Variants in RCCD1 observed in about 807,000 individuals in gnomAD.
The protein encoded by RCCD1 is RCC1 domain-containing protein 1.
A neutral mutation model predicts 37.6 loss-of-function variants in RCCD1; 40 were observed. The ratio of observed to expected loss-of-function variants is 1.06; its 90% CI spans 0.83 to 1.39. RCCD1 has a LOEUF of 1.39. Ranked by LOEUF, RCCD1 falls within the 40% of genes most tolerant of loss-of-function variation. The probability of loss-of-function intolerance (pLI) is 0.00; values close to 1 mark genes in which losing one functional copy is unlikely to be tolerated. For missense variants in RCCD1, 577 were observed against 517.3 expected (o/e 1.12, Z -1.12); for synonymous variants, 263 against 230.0 (o/e 1.14, Z -1.30).
intron 4 of RCCD1, among the ~76,000 whole-genome samples, chr15:90,957,928 T>G (rs894886040): frequency 2.6e-5 from 4 of 152,234 alleles, no homozygotes; most frequent in Admixed American, 1.3e-4. Context: ...CTCTGGCATT[T>G]GTTCCTAGCT....
At position 90,957,313 on chromosome 15, in the gene RCCD1, G is replaced by C. The variant is rs1302477396; in HGVS notation, c.367G>C (p.Asp123His). 2.3e-5 allele frequency: 36 copies of C among 1,539,764 alleles called. No homozygotes were observed. Among genetic ancestry groups the C allele is most frequent in the Non-Finnish European group, 3.2e-5 (36 of 1,141,138 alleles). ...TGTGGTGCCCGAGGCCGAAGGGGAA[G>C]ACGATCCGGCCGGTGAGGCCCAGGC... ...QNVVPEAEGE[D>H]DPAGEAQAGR... Residue 123 changes from aspartate (D) to histidine (H), a missense_variant, in exon 3 of 8, where the codon GAC becomes CAC. By Grantham distance (81) the Asp-to-His change is moderately conservative. Coordinates refer to ENST00000394258, the MANE Select transcript of RCCD1 (RefSeq NM_001017919.2).
At position 90,957,315 on chromosome 15, in the gene RCCD1, C is replaced by CG; in HGVS notation, c.370dup (p.Asp124GlyfsTer5). The CG allele has an allele frequency of 1.3e-6, 2 of 1,539,552 alleles. No homozygotes were observed. Among genetic ancestry groups the CG allele is most frequent in the Non-Finnish European group, 1.8e-6 (2 of 1,141,122 alleles). ...TGGTGCCCGAGGCCGAAGGGGAAGA[C>CG]GATCCGGCCGGTGAGGCCCAGGCTG... On this transcript the variant is annotated frameshift_variant, in exon 3 of 8. Coordinates refer to ENST00000394258, the MANE Select transcript of RCCD1 (RefSeq NM_001017919.2). LOFTEE classifies it high-confidence loss of function.
In RCCD1 at chr15:90,958,461, T is replaced by TA. The variant is rs915371522; in HGVS notation, c.679+745dup. ...GACCAACATGGTGAAACCCCGTCTCTAAAAAAAAATACAAAAATTAGCTGG... is the reference window on the plus strand; with the variant it reads ...GACCAACATGGTGAAACCCCGTCTCTAAAAAAAAAATACAAAAATTAGCTGG... On this transcript the variant is annotated intron_variant, in intron 4 of 7. Coordinates refer to ENST00000394258, the MANE Select transcript of RCCD1 (RefSeq NM_001017919.2). Among the ~76,000 whole-genome samples the TA allele has an allele frequency of 5.7e-4, 86 of 149,780 alleles. 1 individual carries two copies. The highest frequency in any genetic ancestry group is 1.1e-3 in the Admixed American group (16 of 15,046).
intron 7 of RCCD1, 104 bp from the exon 8 acceptor site, chr15:90,961,514 G>C (rs1479725698): frequency 4.0e-5 from 52 of 1,309,008 alleles, no homozygotes; most frequent in Non-Finnish European, 5.2e-5. Context: ...AGAGCAGTGG[G>C]GCATAATCCC....
Position 90,960,482 on chromosome 15 carries a change from C to G in RCCD1, c.933C>G (p.His311Gln). ...TCAAGGCCAGCTGTGGATCCCGGCACACAGCTGTGGTGACACGTGAGTGGG... is the reference window on the plus strand; with the variant it reads ...TCAAGGCCAGCTGTGGATCCCGGCAGACAGCTGTGGTGACACGTGAGTGGG... ...DAVKASCGSRHTAVVTRTGEL... is the reference protein window; with the variant it reads ...DAVKASCGSRQTAVVTRTGEL... Residue 311 changes from histidine to glutamine, a missense_variant, in exon 6 of 8, where the codon CAC becomes CAG. His to Gln is a conservative substitution (Grantham distance 24, BLOSUM62 0). Transcript: ENST00000394258. The G allele has an allele frequency of 6.2e-7, 1 of 1,610,104 alleles. No individual in the cohort carries two copies. The highest frequency in any genetic ancestry group is 8.5e-7 in the Non-Finnish European group (1 of 1,179,700).
chr15:90,958,968 C>T (rs1435048052), intron 4 of RCCD1, among the ~76,000 whole-genome samples: 3 of 150,876 alleles, frequency 2.0e-5, no homozygotes. Context: ...AAAAAAAACC[C>T]CAACCTTGGG....
rs376106508 is a variant in RCCD1, at chr15:90,961,796, A to C, written c.*27A>C. 424 of 1,595,324 alleles carry C rather than the reference A, an allele frequency of 2.7e-4. 1 individual carries two copies. The Middle Eastern group carries it at 2.8e-3, about 10-fold the overall frequency. On this transcript the variant is annotated 3_prime_UTR_variant, in exon 8 of 8. Coordinates refer to ENST00000394258, the MANE Select transcript of RCCD1 (RefSeq NM_001017919.2). The stretch of plus-strand genomic sequence containing the variant: ...ATGTGTACGTATATGTATATGCAAC[A>C]CCTGTGAGACCCCCATTCAGGTCAA...
rs1444296662 is a variant in RCCD1, at chr15:90,962,915, G to C, written c.*1146G>C. 1 of 152,112 alleles carries C rather than the reference G, an allele frequency of 6.6e-6. No homozygotes were observed. Among genetic ancestry groups the C allele is most frequent in the Non-Finnish European group, 1.5e-5 (1 of 68,026 alleles). 9.4% of individuals were successfully genotyped at this position (152,112 alleles called of 1,614,324 possible). A position where few individuals can be genotyped will look rare whatever the true frequency, so the allele number is the denominator to read the frequency against. On this transcript the variant is annotated 3_prime_UTR_variant, in exon 8 of 8. Transcript: ENST00000394258. The stretch of plus-strand genomic sequence containing the variant: ...TTAGGTGATGCTTACTCCATGCCAG[G>C]TAAGGCTCAAAGTGCTTTACAAGTA...
intron 1 of RCCD1, among the ~76,000 whole-genome samples, 168 bp from the exon 2 acceptor site, chr15:90,956,442 TTG>T (rs1403345080): frequency 2.0e-4 from 30 of 152,202 alleles, no homozygotes; most frequent in African/African-American, 4.8e-5. Context: ...CGTACCCACT[TTG>T]TGGCACGCTG....
rs2037344060 is a variant in RCCD1, at chr15:90,962,982, T to C, written c.*1213T>C. On this transcript the variant is annotated 3_prime_UTR_variant, in exon 8 of 8. Transcript: ENST00000394258. The stretch of plus-strand genomic sequence containing the variant: ...AAATAAGCTTATCAGTAGTTTTCTT[T>C]ATAGTTAAATTCTATTTGTGCATGT... 2 of 152,226 alleles carry C rather than the reference T, an allele frequency of 1.3e-5. No homozygotes were observed. The highest frequency in any genetic ancestry group is 2.1e-4 in the South Asian group (1 of 4,822). The allele number at this position is 152,226 out of a possible 1,614,324, so 9.4% of individuals were successfully genotyped here. A position where few individuals can be genotyped will look rare whatever the true frequency, so the allele number is the denominator to read the frequency against.
chr15:90,961,164 AG>A, intron 7 of RCCD1, 110 bp downstream of exon 7: 1 of 1,093,542 alleles, frequency 9.1e-7, no homozygotes, highest in African/African-American at 1.5e-5. Flanking sequence ...GGCCTCGGCC[AG>A]GTCACTGGGA....
chr15:90,956,968 TG>T, intron 2 of RCCD1, 68 bp downstream of exon 2: 1 of 1,281,358 alleles, frequency 7.8e-7, no homozygotes, highest in South Asian at 2.8e-5. Flanking sequence ...CGCACCGCTG[TG>T]GCCAGTCCAG....
intron 7 of RCCD1, 105 bp downstream of exon 7, chr15:90,961,159 C>T (rs570797743): frequency 1.1e-5 from 13 of 1,139,700 alleles, no homozygotes; most frequent in Admixed American, 3.9e-5. Flanking sequence ...GCAGGGGCCT[C>T]GGCCAGGTCA....
At chr15:90,961,275 C>T (rs2037309661) in intron 7 of RCCD1, 2 of 599,208 alleles carry the variant, frequency 3.3e-6, no homozygotes, top group African/African-American at 3.7e-5. Flanking sequence ...TACCACCCGC[C>T]TACCTCTCTG....
chr15:90,960,601 C>G, intron 6 of RCCD1, 103 bp downstream of exon 6: 19 of 1,110,728 alleles, frequency 1.7e-5, no homozygotes, highest in Non-Finnish European at 2.4e-5. Context: ...GTGGCTCATA[C>G]AGAGCAGCTA....
chr15:90,961,258 A>G (rs2037309165), intron 7 of RCCD1: 4 of 606,284 alleles, frequency 6.6e-6, no homozygotes, highest in South Asian at 2.0e-5. Flanking sequence ...CATGGAGAGG[A>G]TATCGGTACC....
In RCCD1 at chr15:90,957,386, G is replaced by A; in HGVS notation, c.440G>A (p.Arg147Gln). ...TGCGCCCGTGCCTACGTGAGCCCGC[G>A]GGCGCCCTTCTACCGGCCTCTGGCT... ...LPCARAYVSPRAPFYRPLAPE... is the reference protein window; with the variant it reads ...LPCARAYVSPQAPFYRPLAPE... Residue 147 changes from arginine to glutamine, a missense_variant, in exon 3 of 8, where the codon CGG (arginine) becomes CAG (glutamine). Arg to Gln is a conservative substitution (Grantham distance 43, BLOSUM62 1). Transcript: ENST00000394258. 6 of 1,544,010 alleles carry A rather than the reference G, an allele frequency of 3.9e-6. No individual in the cohort carries two copies. Among genetic ancestry groups the A allele is most frequent in the Non-Finnish European group, 5.2e-6 (6 of 1,146,046 alleles).
At chr15:90,959,854 C>T (rs749077411) in intron 4 of RCCD1, 46 bp from the exon 5 acceptor site, 3 of 1,423,302 alleles carry the variant, frequency 2.1e-6, no homozygotes, top group South Asian at 2.5e-5. Flanking sequence ...TGGATGGATG[C>T]AGGGGCTTCA....
rs1445926176 is a variant in RCCD1, at chr15:90,956,721, G to A, written c.-14G>A. The stretch of plus-strand genomic sequence containing the variant: ...CGCAGCCAGGCGGCGGCCGGCAGAG[G>A]GCGCTGCTCGGGCATGGCGGAGGAG... On this transcript the variant is annotated 5_prime_UTR_variant, in exon 2 of 8. Coordinates refer to ENST00000394258, the MANE Select transcript of RCCD1 (RefSeq NM_001017919.2). 4.7e-6 allele frequency: 6 copies of A among 1,283,546 alleles called. No homozygotes were observed. The highest frequency in any genetic ancestry group is 2.9e-5 in the South Asian group (1 of 34,114). The allele number at this position is 1,283,546 out of a possible 1,614,324, so 79.5% of individuals were successfully genotyped here. A position where few individuals can be genotyped will look rare whatever the true frequency, so the allele number is the denominator to read the frequency against.
Sources: allele counts gnomAD v4.1 joint callset (sites outside exome capture counted in the v4.1 genomes callset), GRCh38; gene constraint gnomAD v4.1.1; transcripts MANE v1.5; gene names NCBI Gene and HGNC (gene_info 2026-07-23, HGNC 2026-07-21).